The following MIB1 variants were observed in gnomAD, a reference collection of about 807,000 sequenced individuals.
MIB1 encodes E3 ubiquitin-protein ligase MIB1.
In MIB1, 278 loss-of-function variants were observed where a neutral mutation model predicts 124.5. The observed-to-expected ratio is 2.23, with a 90% CI of 2.02 to 2.47. The LOEUF (loss-of-function observed/expected upper bound fraction) is 2.47. Ranked by LOEUF, MIB1 falls within the 30% of genes most tolerant of loss-of-function variation. The pLI is 0.00. For synonymous variants in MIB1, 446 were observed against 429.4 expected, an observed-to-expected ratio of 1.04 and a Z score of -0.48; for missense variants, 957 against 1,254.4, an observed-to-expected ratio of 0.76 and a Z score of 3.58.
chr18:21,832,343 A>T (rs1472715534), intron 12 of MIB1, among the ~76,000 whole-genome samples: 1 of 152,158 alleles, frequency 6.6e-6, no homozygotes, highest in African/African-American at 2.4e-5. Context: ...ATCATTGCAC[A>T]CTTTACACAG....
chr18:21,779,435 TG>T, intron 5 of MIB1, 45 bp from the exon 6 acceptor site: 2 of 1,463,184 alleles, frequency 1.4e-6, no homozygotes, highest in Non-Finnish European at 1.9e-6. Context: ...TGCCTGTTGT[TG>T]TGAGGTTTTT....
chr18:21,730,956 C>T (rs2040766644), intron 1 of MIB1, among the ~76,000 whole-genome samples: 1 of 152,160 alleles, frequency 6.6e-6, no homozygotes, highest in Admixed American at 6.5e-5. Context: ...CCCTCTTTTG[C>T]CAATGGGCTT....
intron 10 of MIB1, among the ~76,000 whole-genome samples, chr18:21,811,846 T>C (rs749244241): frequency 6.6e-6 from 1 of 152,156 alleles, no homozygotes; most frequent in Non-Finnish European, 1.5e-5. Context: ...TATCACTGAA[T>C]TGTACATTTA....
At chr18:21,804,086 G>T (rs976550085) in intron 10 of MIB1, 72 bp downstream of exon 10, 21 of 1,136,934 alleles carry the variant, frequency 1.8e-5, no homozygotes, top group Middle Eastern at 2.8e-4. Flanking sequence ...TCATGAGATG[G>T]ATTGTTTTTA....
intron 18 of MIB1, among the ~76,000 whole-genome samples, chr18:21,856,050 G>A (rs1399223793): frequency 6.6e-6 from 1 of 151,328 alleles, no homozygotes; most frequent in Non-Finnish European, 1.5e-5. Flanking sequence ...CTAACAAGGT[G>A]AAACCCCGTC....
chr18:21,727,885 G>GA (rs1325735524), intron 1 of MIB1, among the ~76,000 whole-genome samples: 3 of 152,174 alleles, frequency 2.0e-5, no homozygotes, highest in African/African-American at 7.2e-5. Flanking sequence ...GCAATCACAT[G>GA]AACTTGGAAG....
chr18:21,831,877 G>T (rs1251740116), intron 12 of MIB1, among the ~76,000 whole-genome samples: 1 of 152,162 alleles, frequency 6.6e-6, no homozygotes, highest in African/African-American at 2.4e-5. Flanking sequence ...TCCCTCTGCT[G>T]CCAAAATACA....
intron 12 of MIB1, chr18:21,827,253 A>G (rs1378373176): frequency 6.6e-6 from 1 of 152,090 alleles, no homozygotes; most frequent in African/African-American, 2.4e-5. Flanking sequence ...TAGATGTGAC[A>G]TTTTAGAGTG....
chr18:21,751,978 T>C (rs932546305), intron 1 of MIB1, among the ~76,000 whole-genome samples: 1 of 152,020 alleles, frequency 6.6e-6, no homozygotes, highest in Non-Finnish European at 1.5e-5. Context: ...CTCTGTGTGT[T>C]TGTGTGTGTG....
intron 1 of MIB1, among the ~76,000 whole-genome samples, chr18:21,710,803 A>G (rs543795445): frequency 1.1e-4 from 17 of 149,770 alleles, no homozygotes; most frequent in African/African-American, 3.7e-4. Flanking sequence ...AAAGATAGAT[A>G]TGCTAGTTTA....
At chr18:21,748,042 T>C (rs1046964706) in intron 1 of MIB1, among the ~76,000 whole-genome samples, 2 of 152,208 alleles carry the variant, frequency 1.3e-5, no homozygotes, top group Non-Finnish European at 2.9e-5. Context: ...TAGATAGATA[T>C]TATCCTAAAA....
rs567912382 is a variant in MIB1, at chr18:21,859,998, GA to G, written c.2880+1353del. On this transcript the variant is annotated intron_variant, in intron 20 of 20. Transcript: ENST00000261537. ...TTCACAATAGTAGTCATCAGTGGGGGATACATGGAAAGGATTGGGGAGGATT... is the reference window on the plus strand; with the variant it reads ...TTCACAATAGTAGTCATCAGTGGGGGTACATGGAAAGGATTGGGGAGGATT... Among the ~76,000 whole-genome samples the G allele has an allele frequency of 3.4e-3, 504 of 150,414 alleles. 1 individual carries two copies. Among genetic ancestry groups the G allele is most frequent in the African/African-American group, 0.011 (471 of 40,988 alleles).
chr18:21,753,684 G>GT (rs1012115001), intron 1 of MIB1, among the ~76,000 whole-genome samples: 57 of 148,360 alleles, frequency 3.8e-4, no homozygotes, highest in African/African-American at 1.1e-3. Context: ...TCTTTCTTTC[G>GT]TTTTTTTTTG....
intron 1 of MIB1, among the ~76,000 whole-genome samples, chr18:21,742,839 A>T (rs1370133993): frequency 6.6e-6 from 1 of 152,238 alleles, no homozygotes; most frequent in Admixed American, 6.5e-5. Context: ...GAATGGGCTC[A>T]CAGTTATTAT....
chr18:21,810,907 C>T (rs1039519173), intron 10 of MIB1, among the ~76,000 whole-genome samples: 35 of 151,954 alleles, frequency 2.3e-4, no homozygotes, highest in African/African-American at 3.1e-4. Flanking sequence ...TTAAAAACAA[C>T]GTGTATCAAA....
At chr18:21,838,850 A>T (rs2042057644) in intron 13 of MIB1, among the ~76,000 whole-genome samples, 1 of 152,218 alleles carries the variant, frequency 6.6e-6, no homozygotes, top group African/African-American at 2.4e-5. Flanking sequence ...CTGTGTTGAT[A>T]CTTAAACAGT....
chr18:21,740,609 A>ACCC (rs1377581143), upstream of MIB1, among the ~76,000 whole-genome samples: 2 of 152,090 alleles, frequency 1.3e-5, no homozygotes, highest in Non-Finnish European at 2.9e-5. Flanking sequence ...TAGCTTCCCC[A>ACCC]CCCTCACTTT....
At chr18:21,779,152 A>T (rs1432821888) in intron 5 of MIB1, among the ~76,000 whole-genome samples, 1 of 152,210 alleles carries the variant, frequency 6.6e-6, no homozygotes, top group Non-Finnish European at 1.5e-5. Context: ...ATGCAGTGAT[A>T]GTAAGTTATC....
At chr18:21,781,397 A>ATG (rs1343108831) in intron 6 of MIB1, among the ~76,000 whole-genome samples, 1 of 75,382 alleles carries the variant, frequency 1.3e-5, no homozygotes, top group East Asian at 6.1e-4. Flanking sequence ...ATATATATAT[A>ATG]TATATATATA....
Sources: gnomAD v4.1 joint callset for allele counts (sites outside exome capture counted in the v4.1 genomes callset) on GRCh38, gnomAD v4.1.1 for gene constraint, MANE v1.5 for transcripts, NCBI Gene and HGNC (gene_info 2026-07-23, HGNC 2026-07-21) for gene names.